Variants in NFASC observed in about 807,000 individuals in gnomAD.
NFASC encodes the protein neurofascin homolog.
Under a neutral mutation model 147.5 loss-of-function variants are expected in NFASC, and 43 were observed. The ratio of observed to expected loss-of-function variants is 0.29; its 90% CI spans 0.23 to 0.38. The LOEUF (loss-of-function observed/expected upper bound fraction) is 0.38, where lower values mean the gene tolerates loss of function less well. NFASC is among the 10% of genes least tolerant of loss of function. The pLI is 1.00. For missense variants in NFASC, 1,320 were observed against 1,689.0 expected, an observed-to-expected ratio of 0.78 and a Z score of 3.83; for synonymous variants, 622 against 665.5, an observed-to-expected ratio of 0.93 and a Z score of 1.01.
Position 204,950,706 on chromosome 1 carries a change from G to A in NFASC, c.109+132G>A, listed in dbSNP as rs529525721. On this transcript the variant is annotated intron_variant, in intron 4 of 29. Coordinates refer to ENST00000339876, the MANE Select transcript of NFASC (RefSeq NM_001005388.3). ...TCTTCATACCAGAGCCCTGTAGTGA[G>A]GTATCTTACTGCGGGGGAAGGAAGG... 4 of 811,252 alleles carry A rather than the reference G, an allele frequency of 4.9e-6. No homozygotes were observed. The East Asian group carries it at 1.1e-4, about 22-fold the overall frequency. The allele number at this position is 811,252 out of a possible 1,614,324, so 50.3% of individuals were successfully genotyped here.
In NFASC at chr1:205,016,830, C is replaced by G; in HGVS notation, c.*291C>G. 1.4e-5 allele frequency: 7 copies of G among 494,848 alleles called. No homozygotes were observed. Among genetic ancestry groups the G allele is most frequent in the East Asian group, 7.8e-5 (2 of 25,636 alleles). 30.7% of individuals were successfully genotyped at this position (494,848 alleles called of 1,614,324 possible). On this transcript the variant is annotated 3_prime_UTR_variant, in exon 30 of 30. Coordinates refer to ENST00000339876, the MANE Select transcript of NFASC (RefSeq NM_001005388.3). This position sits in a 1 kb window ranked among gnomAD's most constrained non-coding sequence, Gnocchi z 5.1. Reference sequence around the variant, plus strand: ...GGTCTCGCAGCCACCCCGAGCGTTCCACCACACTGTCCGCCCTTGGCCTCG... The same window carrying G: ...GGTCTCGCAGCCACCCCGAGCGTTCGACCACACTGTCCGCCCTTGGCCTCG...
chr1:204,995,137 T>C (rs2095819262), intron 24 of NFASC, among the ~76,000 whole-genome samples: 1 of 151,932 alleles, frequency 6.6e-6, no homozygotes, highest in Non-Finnish European at 1.5e-5. Flanking sequence ...ATAAAAAAAA[T>C]CAGAGCAGTC....
chr1:204,843,525 C>T (rs1014788316), intron 1 of NFASC, among the ~76,000 whole-genome samples: 1 of 152,032 alleles, frequency 6.6e-6, no homozygotes, highest in East Asian at 1.9e-4. Flanking sequence ...TGTCTGCCTT[C>T]TCCCCTTTCT....
At chr1:204,943,189 C>T (rs1429754711) in intron 2 of NFASC, among the ~76,000 whole-genome samples, 1 of 152,176 alleles carries the variant, frequency 6.6e-6, no homozygotes, top group Non-Finnish European at 1.5e-5. Flanking sequence ...TTTGACTTGC[C>T]ACCACAGTAG....
At chr1:204,940,061 T>C (rs191583764) in intron 2 of NFASC, among the ~76,000 whole-genome samples, 1 of 152,324 alleles carries the variant, frequency 6.6e-6, no homozygotes, top group African/African-American at 2.4e-5. Context: ...TCAAATAATC[T>C]GTCCTCTTCA....
intron 28 of NFASC, among the ~76,000 whole-genome samples, chr1:205,011,806 G>C (rs775277585): frequency 6.6e-6 from 1 of 152,212 alleles, no homozygotes; most frequent in South Asian, 2.1e-4. Context: ...TAGGCCGGGC[G>C]CGGTGGCTCA....
In NFASC at chr1:204,908,385, T is replaced by C. The variant is rs192308856; in HGVS notation, c.-199-12247T>C. Among the ~76,000 whole-genome samples, 6 of 152,282 alleles carry C rather than the reference T, an allele frequency of 3.9e-5. No individual in the cohort carries two copies. The East Asian group carries it at 7.7e-4, about 20-fold the overall frequency. On this transcript the variant is annotated intron_variant, in intron 1 of 29. Transcript: ENST00000339876. ...TATGCTTTAACTAACATTAAATTGGTTCTGCCAAGAGAAAAATATAAGGTA... is the reference window on the plus strand; with the variant it reads ...TATGCTTTAACTAACATTAAATTGGCTCTGCCAAGAGAAAAATATAAGGTA...
chr1:204,958,623 C>T (rs939842768), intron 8 of NFASC, among the ~76,000 whole-genome samples: 2 of 152,182 alleles, frequency 1.3e-5, no homozygotes, highest in Non-Finnish European at 2.9e-5. Context: ...TGTTGATGTA[C>T]ACCATGGATT....
chr1:204,858,400 T>G (rs928153354), intron 1 of NFASC, among the ~76,000 whole-genome samples: 1 of 152,146 alleles, frequency 6.6e-6, no homozygotes, highest in Non-Finnish European at 1.5e-5. Context: ...GAAGGGCATC[T>G]GGGAGAGGCC....
intron 21 of NFASC, among the ~76,000 whole-genome samples, chr1:204,982,281 A>G (rs1224980011): frequency 6.6e-6 from 1 of 152,236 alleles, no homozygotes; most frequent in African/African-American, 2.4e-5. Context: ...TGAGGCCCAA[A>G]AAGGGAAAAC....
chr1:204,965,029 C>T (rs928470047), intron 8 of NFASC, among the ~76,000 whole-genome samples: 9 of 152,318 alleles, frequency 5.9e-5, no homozygotes, highest in East Asian at 1.9e-4. Flanking sequence ...CCACAGCTTA[C>T]GAGAGCAGGA....
At chr1:205,012,456 A>G (rs1055989052) in intron 28 of NFASC, among the ~76,000 whole-genome samples, 5 of 152,374 alleles carry the variant, frequency 3.3e-5, no homozygotes, top group South Asian at 2.1e-4. Context: ...AGGTGCAAAC[A>G]GTGGAGTGTT....
intron 27 of NFASC, chr1:205,009,332 G>T: frequency 2.9e-6 from 2 of 684,620 alleles, no homozygotes; most frequent in Non-Finnish European, 5.4e-6. Context: ...TTTGCTCCTT[G>T]TACCCCTTTC....
intron 1 of NFASC, among the ~76,000 whole-genome samples, chr1:204,836,362 T>A (rs1673794912): frequency 6.6e-6 from 1 of 152,220 alleles, no homozygotes; most frequent in Non-Finnish European, 1.5e-5. Flanking sequence ...AGGATGTTAA[T>A]TATGAGGAGG....
At chr1:204,852,115 A>G (rs16854539) in intron 1 of NFASC, among the ~76,000 whole-genome samples, 270 of 152,326 alleles carry the variant, frequency 1.8e-3, no homozygotes, top group African/African-American at 6.4e-3. Context: ...TAGTTTATCC[A>G]AGAACTTTCT....
chr1:204,987,712 C>T lies in NFASC; in HGVS notation c.2593+172C>T, dbSNP rs946710406. Among the ~76,000 whole-genome samples the T allele has an allele frequency of 3.9e-5, 6 of 152,204 alleles. No individual in the cohort carries two copies. Among genetic ancestry groups the T allele is most frequent in the Non-Finnish European group, 7.3e-5 (5 of 68,048 alleles). On this transcript the variant is annotated intron_variant, in intron 22 of 29. Transcript: ENST00000339876. This position sits in a 1 kb window ranked among gnomAD's most constrained non-coding sequence, Gnocchi z 4.4. ...AGGATTAGGGGAGGCAGATGGGACT[C>T]AATCCCTGCTCTCCTTTCATAGTTC...
intron 26 of NFASC, among the ~76,000 whole-genome samples, chr1:205,001,505 A>G (rs899966177): frequency 6.6e-6 from 1 of 152,164 alleles, no homozygotes; most frequent in African/African-American, 2.4e-5. Context: ...TCAAGCCATT[A>G]GTGGAAGTCT....
intron 8 of NFASC, among the ~76,000 whole-genome samples, chr1:204,967,521 A>G (rs1267976069): frequency 6.6e-6 from 1 of 152,084 alleles, no homozygotes; most frequent in African/African-American, 2.4e-5. Flanking sequence ...GCCTAGTTGC[A>G]TTATAGATCA....
chr1:204,997,019 C>T (rs1422498644), intron 24 of NFASC, 151 bp from the exon 25 acceptor site: 2 of 1,196,948 alleles, frequency 1.7e-6, no homozygotes, highest in Non-Finnish European at 2.3e-6. Flanking sequence ...TTGCTGCGAC[C>T]CGTCTGACCC....
Sources: gnomAD v4.1 joint callset for allele counts (sites outside exome capture counted in the v4.1 genomes callset) on GRCh38, gnomAD v4.1.1 for gene constraint, Gnocchi (gnomAD v3.1) non-coding constraint, MANE v1.5 for transcripts, NCBI Gene and HGNC (gene_info 2026-07-23, HGNC 2026-07-21) for gene names.